Variants in ENAH observed in about 807,000 individuals in gnomAD.
ENAH encodes the protein ENAH actin regulator, also known as protein enabled homolog.
Under a neutral mutation model 78.7 loss-of-function variants are expected in ENAH, and 23 were observed. The ratio of observed to expected loss-of-function variants is 0.29; its 90% confidence interval spans 0.21 to 0.41. The LOEUF (loss-of-function observed/expected upper bound fraction) is 0.41. ENAH is among the 10% of genes least tolerant of loss of function. The pLI is 1.00. For missense variants in ENAH, 544 were observed against 691.0 expected (o/e 0.79, Z 2.39); for synonymous variants, 226 against 241.0 (o/e 0.94, Z 0.58).
chr1:225,514,753 G>A lies in ENAH; in HGVS notation c.1061C>T (p.Pro354Leu), dbSNP rs752063989. Residue 354 changes from proline to leucine, a missense_variant, in exon 7 of 14, where the codon CCT becomes CTT. This residue lies in a region of ENAH where 366 missense variants were observed against 396.1 expected (regional missense o/e 0.92). Coordinates refer to ENST00000366843, the MANE Select transcript of ENAH (RefSeq NM_018212.6). ...STGPPPPPPP[P>L]PLPNQVPPPP... ...AGGGGGTACTTGATTAGGGAGAGGAGGGGGAGGAGGGGGCGGTGGAGGCCC... is the reference window on the plus strand; with the variant it reads ...AGGGGGTACTTGATTAGGGAGAGGAAGGGGAGGAGGGGGCGGTGGAGGCCC... 6 of 1,450,846 alleles carry A rather than the reference G, an allele frequency of 4.1e-6. No individual in the cohort carries two copies. The highest frequency in any genetic ancestry group is 2.3e-5 in the Admixed American group (1 of 43,808). The allele number at this position is 1,450,846 out of a possible 1,614,324, so 89.9% of individuals were successfully genotyped here. A position where few individuals can be genotyped will look rare whatever the true frequency, so the allele number is the denominator to read the frequency against.
chr1:225,629,309 G>C (rs1484273159), intron 1 of ENAH, among the ~76,000 whole-genome samples: 1 of 150,640 alleles, frequency 6.6e-6, no homozygotes, highest in African/African-American at 2.4e-5. Flanking sequence ...GGAAAGGCTG[G>C]GCGCTGTGGC....
intron 1 of ENAH, among the ~76,000 whole-genome samples, chr1:225,585,182 C>T (rs1233090281): frequency 7.7e-6 from 1 of 129,912 alleles, no homozygotes; most frequent in Non-Finnish European, 1.5e-5. Context: ...TGCCACTGCA[C>T]TCCCATCTGG....
At chr1:225,622,256 T>C (rs1008272273) in intron 1 of ENAH, among the ~76,000 whole-genome samples, 1 of 152,172 alleles carries the variant, frequency 6.6e-6, no homozygotes, top group Non-Finnish European at 1.5e-5. Context: ...GCTATCTTGA[T>C]TGTACACCTT....
chr1:225,579,920 G>A (rs1160456009), intron 1 of ENAH, among the ~76,000 whole-genome samples: 1 of 152,106 alleles, frequency 6.6e-6, no homozygotes, highest in East Asian at 1.9e-4. Context: ...GTTTTGTTAT[G>A]TTCCTTTATT....
Position 225,555,118 on chromosome 1 carries a change from A to G in ENAH, c.172-35T>C, listed in dbSNP as rs779413570. Reference sequence around the variant, plus strand: ...AATAATTCTTTATAAAGTCAAACCAATAATTGGCAAAATCAAGGATGTCAA... The same window carrying G: ...AATAATTCTTTATAAAGTCAAACCAGTAATTGGCAAAATCAAGGATGTCAA... On this transcript the variant is annotated intron_variant, in intron 2 of 13. Transcript: ENST00000366843. 5 of 1,477,618 alleles carry G rather than the reference A, an allele frequency of 3.4e-6. No homozygotes were observed. In the South Asian group the frequency reaches 4.2e-5, roughly 13 times the overall value. 91.5% of individuals were successfully genotyped at this position (1,477,618 alleles called of 1,614,324 possible). A position where few individuals can be genotyped will look rare whatever the true frequency, so the allele number is the denominator to read the frequency against.
At chr1:225,512,432 T>A (rs147373122) in intron 9 of ENAH, among the ~76,000 whole-genome samples, 13 of 152,366 alleles carry the variant, frequency 8.5e-5, no homozygotes, top group African/African-American at 2.6e-4. Flanking sequence ...TGAACTTCAA[T>A]GCTTTTCCCA....
At chr1:225,583,433 CAAAAAAAAAA>C (rs67324652) in intron 1 of ENAH, among the ~76,000 whole-genome samples, 1 of 100,568 alleles carries the variant, frequency 9.9e-6, no homozygotes, top group Non-Finnish European at 2.0e-5. Flanking sequence ...GACCCTGTAT[CAAAAAAAAAA>C]AAAAAAAAAA....
At chr1:225,598,945 G>T (rs1331785249) in intron 1 of ENAH, among the ~76,000 whole-genome samples, 1 of 151,940 alleles carries the variant, frequency 6.6e-6, no homozygotes, top group Non-Finnish European at 1.5e-5. Context: ...TGAGTAATTA[G>T]AGAAAAGGAT....
rs2096246030 is a variant in ENAH, at chr1:225,495,540, C to A, written c.*2235G>T. 3 of 138,720 alleles carry A rather than the reference C, an allele frequency of 2.2e-5. No homozygotes were observed. The South Asian group carries it at 6.8e-4, about 31-fold the overall frequency. The allele number at this position is 138,720 out of a possible 1,614,324, so 8.6% of individuals were successfully genotyped here. ...GGCACAAAACGTTTAGTGCATAAAC[C>A]CAGTTTCTTTTAAGATTTAGCATTT... On this transcript the variant is annotated 3_prime_UTR_variant, in exon 14 of 14. Transcript: ENST00000366843.
intron 1 of ENAH, among the ~76,000 whole-genome samples, chr1:225,573,027 C>T (rs1418248117): frequency 6.6e-6 from 1 of 152,160 alleles, no homozygotes; most frequent in African/African-American, 2.4e-5. Flanking sequence ...GTCAAATTGA[C>T]TGAGCAGGTA....
At chr1:225,622,553 A>C (rs574089154) in intron 1 of ENAH, among the ~76,000 whole-genome samples, 1 of 152,312 alleles carries the variant, frequency 6.6e-6, no homozygotes, top group East Asian at 1.9e-4. Flanking sequence ...TACTGCTCAC[A>C]GCTCTGGAGG....
intron 1 of ENAH, among the ~76,000 whole-genome samples, chr1:225,651,691 T>C (rs1350013040): frequency 9.9e-5 from 15 of 152,124 alleles, no homozygotes; most frequent in Admixed American, 9.8e-4. Flanking sequence ...TAACGCAGAA[T>C]GGATCAGCCT....
chr1:225,578,465 A>C (rs534929776), intron 1 of ENAH, among the ~76,000 whole-genome samples: 2 of 152,314 alleles, frequency 1.3e-5, no homozygotes, highest in African/African-American at 4.8e-5. Flanking sequence ...ACAGAGCGAG[A>C]CACTCTCTCT....
chr1:225,644,685 G>A (rs1661638118), intron 1 of ENAH, among the ~76,000 whole-genome samples: 1 of 152,076 alleles, frequency 6.6e-6, no homozygotes, highest in Admixed American at 6.6e-5. Context: ...TACCAAAAAG[G>A]ACAGAAGACT....
chr1:225,552,405 TG>T (rs1337591540), intron 3 of ENAH, among the ~76,000 whole-genome samples: 7 of 152,210 alleles, frequency 4.6e-5, no homozygotes, highest in African/African-American at 1.7e-4. Context: ...CCCAAAGTGC[TG>T]GGATTACAGG....
chr1:225,526,943 G>T (rs2096510039), intron 4 of ENAH, among the ~76,000 whole-genome samples: 1 of 152,104 alleles, frequency 6.6e-6, no homozygotes, highest in Non-Finnish European at 1.5e-5. Flanking sequence ...TTGATCAGAG[G>T]CCCTTAAGTA....
At chr1:225,520,959 AGGGAGGGAGGGAGG>A (rs2096463593) in intron 4 of ENAH, among the ~76,000 whole-genome samples, 1 of 4,736 alleles carries the variant, frequency 2.1e-4, no homozygotes, top group Non-Finnish European at 4.4e-4. Context: ...GGAGGGAGGG[AGGGAGGGAGGGAGG>A]GAGACATAAG....
Position 225,514,588 on chromosome 1 carries a change from G to T in ENAH, c.1218+8C>A. 6.2e-7 allele frequency: 1 copy of T among 1,610,018 alleles called. No individual in the cohort carries two copies. The highest frequency in any genetic ancestry group is 8.5e-7 in the Non-Finnish European group (1 of 1,178,602). On this transcript the variant is annotated splice_region_variant and intron_variant, in intron 7 of 13. Coordinates refer to ENST00000366843, the MANE Select transcript of ENAH (RefSeq NM_018212.6). ...CATATTAAAAAAATTTTTCAGAAAG[G>T]TATTTACCCGTGACACTTTCCTAAG...
At chr1:225,591,168 A>G (rs1262856229) in intron 1 of ENAH, among the ~76,000 whole-genome samples, 1 of 151,580 alleles carries the variant, frequency 6.6e-6, no homozygotes, top group Non-Finnish European at 1.5e-5. Flanking sequence ...CACACATTCT[A>G]TACCTCAACA....
Sources: gnomAD v4.1 joint callset for allele counts (sites outside exome capture counted in the v4.1 genomes callset) on GRCh38, gnomAD v4.1.1 for gene constraint, gnomAD v4.1.1 regional missense constraint, MANE v1.5 for transcripts, NCBI Gene and HGNC (gene_info 2026-07-23, HGNC 2026-07-21) for gene names.